GPATCH2: variants seen among roughly 807,000 people sequenced by gnomAD.
GPATCH2 encodes G patch domain-containing protein 2.
A neutral mutation model predicts 58.0 loss-of-function variants in GPATCH2; 51 were observed. The ratio of observed to expected loss-of-function variants is 0.88; its 90% confidence interval spans 0.70 to 1.11. The LOEUF is 1.11. Ranked by LOEUF, GPATCH2 falls within the 50% of genes most tolerant of loss-of-function variation. The probability of loss-of-function intolerance (pLI) is 0.00; values close to 1 mark genes in which losing one functional copy is unlikely to be tolerated. For missense variants in GPATCH2, 625 were observed against 652.2 expected (o/e 0.96, Z 0.45); for synonymous variants, 222 against 218.5 (o/e 1.02, Z -0.14).
chr1:217,584,862 A>G (rs1667264705), intron 5 of GPATCH2, among the ~76,000 whole-genome samples: 1 of 152,218 alleles, frequency 6.6e-6, no homozygotes, highest in African/African-American at 2.4e-5. Flanking sequence ...TATATGGTAG[A>G]CAATAACATG....
intron 9 of GPATCH2, among the ~76,000 whole-genome samples, chr1:217,444,572 C>G (rs1392591899): frequency 6.6e-6 from 1 of 152,156 alleles, no homozygotes; most frequent in Non-Finnish European, 1.5e-5. Context: ...CTCTGTCCAT[C>G]CTGTACTGAA....
intron 8 of GPATCH2, among the ~76,000 whole-genome samples, chr1:217,484,082 T>TAAC (rs1181171814): frequency 3.3e-5 from 5 of 152,296 alleles, no homozygotes; most frequent in African/African-American, 1.2e-4. Context: ...ACATACCAAG[T>TAAC]CAATTTGACT....
chr1:217,491,628 G>T, intron 8 of GPATCH2, 52 bp downstream of exon 8: 1 of 796,898 alleles, frequency 1.3e-6, no homozygotes, highest in Non-Finnish European at 2.2e-6. Context: ...CATTCTTATA[G>T]GCATAGAAAA....
intron 8 of GPATCH2, among the ~76,000 whole-genome samples, chr1:217,489,251 G>A (rs1661602959): frequency 3.3e-5 from 5 of 151,788 alleles, no homozygotes; most frequent in Admixed American, 3.3e-4. Flanking sequence ...TTTAAAAAAT[G>A]GATTATTTGA....
intron 5 of GPATCH2, among the ~76,000 whole-genome samples, chr1:217,594,994 T>C (rs932073081): frequency 2.5e-4 from 38 of 152,258 alleles, no homozygotes; most frequent in African/African-American, 8.7e-4. Context: ...AACAAACATA[T>C]GATTACAGTA....
At chr1:217,624,837 T>G (rs554280214) in intron 1 of GPATCH2, among the ~76,000 whole-genome samples, 1 of 152,364 alleles carries the variant, frequency 6.6e-6, no homozygotes, top group Non-Finnish European at 1.5e-5. Flanking sequence ...CATTTGGAAC[T>G]CATTTGGAAA....
chr1:217,515,268 T>C (rs1363315819), intron 5 of GPATCH2, among the ~76,000 whole-genome samples: 3 of 152,044 alleles, frequency 2.0e-5, no homozygotes, highest in African/African-American at 7.2e-5. Flanking sequence ...GCTAATTTTT[T>C]TGTATTTTTA....
intron 5 of GPATCH2, among the ~76,000 whole-genome samples, chr1:217,546,263 A>T (rs185152027): frequency 1.3e-5 from 2 of 152,272 alleles, no homozygotes; most frequent in East Asian, 1.9e-4. Context: ...TTAAACTACC[A>T]TTGAGATTCT....
chr1:217,530,617 T>G, intron 5 of GPATCH2, among the ~76,000 whole-genome samples: 1 of 152,198 alleles, frequency 6.6e-6, no homozygotes, highest in Non-Finnish European at 1.5e-5. Context: ...CATCACCACT[T>G]CTTTCAGTGA....
chr1:217,491,117 G>C (rs549120861), intron 8 of GPATCH2, among the ~76,000 whole-genome samples: 74 of 152,180 alleles, frequency 4.9e-4, no homozygotes, highest in Non-Finnish European at 8.7e-4. Context: ...TGACAAGAAG[G>C]GTAGCCATTT....
chr1:217,530,336 G>T (rs1055584771), intron 5 of GPATCH2, among the ~76,000 whole-genome samples: 16 of 152,202 alleles, frequency 1.1e-4, no homozygotes, highest in African/African-American at 3.9e-4. Flanking sequence ...TCTACAAAAT[G>T]GGGGTGGATA....
intron 8 of GPATCH2, among the ~76,000 whole-genome samples, chr1:217,456,633 T>C (rs12058216): frequency 0.02 from 2,975 of 152,228 alleles, 95 homozygotes; most frequent in African/African-American, 0.069. Flanking sequence ...ATGTGCAAAA[T>C]ACAGGTATGC....
At chr1:217,524,309 T>C (rs1457268689) in intron 5 of GPATCH2, among the ~76,000 whole-genome samples, 5 of 149,888 alleles carry the variant, frequency 3.3e-5, no homozygotes, top group South Asian at 4.2e-4. Context: ...GGATGGCGGC[T>C]GGGAAGAGGC....
intron 5 of GPATCH2, among the ~76,000 whole-genome samples, chr1:217,584,186 C>A (rs1667210260): frequency 6.6e-6 from 1 of 151,410 alleles, no homozygotes; most frequent in African/African-American, 2.4e-5. Flanking sequence ...ATTTTCTGTT[C>A]AAAGAGGTGT....
chr1:217,437,878 G>A (rs759336489), intron 9 of GPATCH2, among the ~76,000 whole-genome samples: 1 of 152,208 alleles, frequency 6.6e-6, no homozygotes, highest in African/African-American at 2.4e-5. Flanking sequence ...CAGCGCTTGA[G>A]CTCTGCTAAC....
chr1:217,553,377 G>T (rs1377048513), intron 5 of GPATCH2, among the ~76,000 whole-genome samples: 2 of 151,970 alleles, frequency 1.3e-5, no homozygotes, highest in Non-Finnish European at 2.9e-5. Context: ...ATCTAAGGGA[G>T]AACAATAAAT....
intron 5 of GPATCH2, among the ~76,000 whole-genome samples, chr1:217,543,269 G>GT (rs397860651): frequency 0.27 from 28,163 of 105,662 alleles, 4,279 homozygotes; most frequent in East Asian, 0.47. Flanking sequence ...TGATGCGAAC[G>GT]TTTTTTTTTT....
At chr1:217,521,358 C>CA (rs35333815) in intron 5 of GPATCH2, among the ~76,000 whole-genome samples, 105 of 101,144 alleles carry the variant, frequency 1.0e-3, no homozygotes, top group South Asian at 3.0e-3. Context: ...AGGGAGACTG[C>CA]AAAAAAAAAA....
chr1:217,541,778 G>T (rs1664753949), intron 5 of GPATCH2, among the ~76,000 whole-genome samples: 1 of 152,102 alleles, frequency 6.6e-6, no homozygotes, highest in Non-Finnish European at 1.5e-5. Flanking sequence ...TAAGACAATG[G>T]GTTGGGTAAT....
Sources: allele counts gnomAD v4.1 joint callset (sites outside exome capture counted in the v4.1 genomes callset), GRCh38; gene constraint gnomAD v4.1.1; transcripts MANE v1.5; gene names NCBI Gene and HGNC (gene_info 2026-07-23, HGNC 2026-07-21).